OPRM1: variants seen among roughly 807,000 people sequenced by gnomAD.
OPRM1 encodes the protein mu-type opioid receptor.
OPRM1 carries 27 observed loss-of-function variants against 31.8 expected under a neutral mutation model. The observed-to-expected ratio is 0.85, with a 90% CI of 0.63 to 1.17. The LOEUF (loss-of-function observed/expected upper bound fraction) is 1.17, where lower values mean the gene tolerates loss of function less well. Among genes scored for constraint, OPRM1 ranks in the 50% most tolerant of loss-of-function variants. OPRM1 has a pLI of 0.00. For missense variants in OPRM1, 536 were observed against 511.1 expected (o/e 1.05, Z -0.47); for synonymous variants, 196 against 189.9 (o/e 1.03, Z -0.26).
rs965304714 is a variant in OPRM1, at chr6:154,131,264, G to C, written c.*12543G>C. Reference sequence around the variant, plus strand: ...AAAATCAAAATATTGTAAAGAATCTGAGTAAATGAGAGCCTCTCATGGTTG... The same window carrying C: ...AAAATCAAAATATTGTAAAGAATCTCAGTAAATGAGAGCCTCTCATGGTTG... On this transcript the variant is annotated 3_prime_UTR_variant, in exon 4 of 4. Coordinates refer to ENST00000330432, the MANE Select transcript of OPRM1 (RefSeq NM_000914.5). Among the ~76,000 whole-genome samples the C allele has an allele frequency of 1.4e-4, 22 of 152,312 alleles. 1 individual carries two copies. The highest frequency in any genetic ancestry group is 1.4e-3 in the Admixed American group (22 of 15,300).
intron 3 of OPRM1, among the ~76,000 whole-genome samples, chr6:154,185,871 A>G (rs539721655): frequency 6.6e-6 from 1 of 152,374 alleles, no homozygotes; most frequent in South Asian, 2.1e-4. Flanking sequence ...CACAAGTTGG[A>G]TAAGCTTGTT....
At chr6:154,220,476 G>A (rs1384801837) in intron 3 of OPRM1, among the ~76,000 whole-genome samples, 2 of 152,076 alleles carry the variant, frequency 1.3e-5, no homozygotes, top group Non-Finnish European at 2.9e-5. Context: ...GGCCAACATG[G>A]TGAAACCCAC....
intron 3 of OPRM1, among the ~76,000 whole-genome samples, chr6:154,183,830 C>T (rs1351013888): frequency 2.0e-5 from 3 of 151,998 alleles, no homozygotes; most frequent in Non-Finnish European, 2.9e-5. Context: ...GCAGAGGTTA[C>T]AGTGAACCGA....
intron 3 of OPRM1, among the ~76,000 whole-genome samples, chr6:154,231,869 G>A (rs1451851820): frequency 2.6e-5 from 4 of 152,116 alleles, no homozygotes; most frequent in African/African-American, 4.8e-5. Flanking sequence ...AGCAATTCTC[G>A]AAATTAAAAA....
intron 1 of OPRM1, among the ~76,000 whole-genome samples, chr6:154,024,862 T>A (rs1406265548): frequency 6.6e-6 from 1 of 152,096 alleles, no homozygotes; most frequent in African/African-American, 2.4e-5. Flanking sequence ...AAAATTCCTC[T>A]TGATATTGAT....
At chr6:154,195,109 C>T (rs1289365823) in intron 3 of OPRM1, among the ~76,000 whole-genome samples, 1 of 151,834 alleles carries the variant, frequency 6.6e-6, no homozygotes, top group Admixed American at 6.6e-5. Flanking sequence ...TTCTCTTCTT[C>T]CCTGCACTCT....
intron 3 of OPRM1, among the ~76,000 whole-genome samples, chr6:154,226,711 C>T (rs534291395): frequency 1.2e-4 from 18 of 152,276 alleles, no homozygotes; most frequent in Non-Finnish European, 1.9e-4. Flanking sequence ...ATGTTTACAT[C>T]ATGAACATTC....
chr6:154,204,652 C>T (rs1221531520), intron 3 of OPRM1, among the ~76,000 whole-genome samples: 1 of 152,092 alleles, frequency 6.6e-6, no homozygotes, highest in Non-Finnish European at 1.5e-5. Context: ...CCTTAGTATC[C>T]ATGTGACCTT....
chr6:154,028,258 G>A (rs535509474), intron 1 of OPRM1, among the ~76,000 whole-genome samples: 1 of 152,176 alleles, frequency 6.6e-6, no homozygotes, highest in East Asian at 1.9e-4. Context: ...GGCCCAGGGT[G>A]TGTCTAGAGA....
intron 1 of OPRM1, among the ~76,000 whole-genome samples, chr6:154,081,177 G>A (rs1392864524): frequency 6.6e-6 from 1 of 152,186 alleles, no homozygotes; most frequent in Non-Finnish European, 1.5e-5. Flanking sequence ...AGTTTACATA[G>A]AACTGATAGG....
At chr6:154,105,768 A>G (rs1795485993) in intron 3 of OPRM1, among the ~76,000 whole-genome samples, 1 of 152,234 alleles carries the variant, frequency 6.6e-6, no homozygotes, top group South Asian at 2.1e-4. Context: ...TATAGTCTAA[A>G]GCAAGCAAAA....
chr6:154,015,269 G>A (rs192724382), intron 1 of OPRM1, among the ~76,000 whole-genome samples: 6 of 152,064 alleles, frequency 3.9e-5, no homozygotes, highest in South Asian at 2.1e-4. Flanking sequence ...GTCTCATAAC[G>A]GTGTAGAATG....
chr6:154,058,382 T>A (rs1783741539), intron 1 of OPRM1, among the ~76,000 whole-genome samples: 1 of 152,172 alleles, frequency 6.6e-6, no homozygotes, highest in Non-Finnish European at 1.5e-5. Context: ...TTGAAATAGA[T>A]GAAGTTATAA....
chr6:154,044,172 G>T (rs770235428), intron 1 of OPRM1, among the ~76,000 whole-genome samples: 12 of 152,050 alleles, frequency 7.9e-5, no homozygotes, highest in Non-Finnish European at 1.3e-4. Flanking sequence ...TCTCTTCTCT[G>T]CTCCTAATAC....
In OPRM1 at chr6:154,125,289, C is replaced by G. The variant is rs2128529324; in HGVS notation, c.*6568C>G. Among the ~76,000 whole-genome samples, 1 of 152,318 alleles carries G rather than the reference C, an allele frequency of 6.6e-6. No homozygotes were observed. Among genetic ancestry groups the G allele is most frequent in the East Asian group, 1.9e-4 (1 of 5,194 alleles). On this transcript the variant is annotated 3_prime_UTR_variant, in exon 4 of 4. Coordinates refer to ENST00000330432, the MANE Select transcript of OPRM1 (RefSeq NM_000914.5). ...GGTACCTGAATTTGCCTCTATCATG[C>G]ATCTCAATGATTTGTTGTCATCCAA...
rs1019433428 is a variant in OPRM1, at chr6:154,108,115, G to A, written c.1165-10568G>A. ...TTTCCCTGAGCGGCCCTAGTGATCC[G>A]GCTTGCGGCACCATCGCCTACGGGC... On this transcript the variant is annotated intron_variant, in intron 3 of 3. Coordinates refer to ENST00000330432, the MANE Select transcript of OPRM1 (RefSeq NM_000914.5). The A allele has an allele frequency of 6.7e-6, 4 of 599,870 alleles. No homozygotes were observed. In the East Asian group the frequency reaches 8.8e-5, roughly 13 times the overall value. The allele number at this position is 599,870 out of a possible 1,614,324, so 37.2% of individuals were successfully genotyped here. A position where few individuals can be genotyped will look rare whatever the true frequency, so the allele number is the denominator to read the frequency against.
At chr6:154,224,078 A>C (rs1203344800) in intron 3 of OPRM1, among the ~76,000 whole-genome samples, 1 of 152,138 alleles carries the variant, frequency 6.6e-6, no homozygotes, top group Non-Finnish European at 1.5e-5. Context: ...ATAGAACTCA[A>C]ATCTTCTTTC....
intron 3 of OPRM1, among the ~76,000 whole-genome samples, chr6:154,114,298 C>T (rs1336434995): frequency 2.0e-5 from 3 of 152,202 alleles, no homozygotes; most frequent in Non-Finnish European, 4.4e-5. Flanking sequence ...TTTGGAGATA[C>T]TGACTTGGGT....
rs186728321 is a variant in OPRM1 at position 154,033,394 on chromosome 6, T to C, written c.1-5767T>C. On this transcript the variant is annotated intron_variant, in intron 1 of 5. Transcript: ENST00000434900. Reference sequence around the variant, plus strand: ...CCAGTTTTTAATGAAAATGGAATAGTCCCATGGTATTAACACCAACGAGAG... The same window carrying C: ...CCAGTTTTTAATGAAAATGGAATAGCCCCATGGTATTAACACCAACGAGAG... 4.7e-3 allele frequency among the ~76,000 whole-genome samples: 710 copies of C among 152,206 alleles called. 1 individual carries two copies. Among genetic ancestry groups the C allele is most frequent in the Non-Finnish European group, 7.5e-3 (510 of 68,012 alleles).
Sources: gnomAD v4.1 joint callset for allele counts (sites outside exome capture counted in the v4.1 genomes callset) on GRCh38, gnomAD v4.1.1 for gene constraint, MANE v1.5 for transcripts, NCBI Gene and HGNC (gene_info 2026-07-23, HGNC 2026-07-21) for gene names.